Variants in SIRT7 observed in about 807,000 individuals in gnomAD.
The protein encoded by SIRT7 is sirtuin 7.
In SIRT7, 32 loss-of-function variants were observed where a neutral mutation model predicts 42.8. The observed-to-expected ratio is 0.75, with a 90% CI of 0.56 to 1.00. The LOEUF (loss-of-function observed/expected upper bound fraction) is 1.00. SIRT7 is among the 50% of genes least tolerant of loss of function. The pLI is 0.00. For synonymous variants in SIRT7, 297 were observed against 245.2 expected (o/e 1.21, Z -1.97); for missense variants, 553 against 572.2 (o/e 0.97, Z 0.34).
Position 81,914,167 on chromosome 17 carries a change from C to T in SIRT7, c.817G>A (p.Val273Ile). 6.2e-7 allele frequency: 1 copy of T among 1,613,618 alleles called. No homozygotes were observed. The highest frequency in any genetic ancestry group is 8.5e-7 in the Non-Finnish European group (1 of 1,179,998). ...TILCLGSSLKVLKKYPRLWCM... is the reference protein window; with the variant it reads ...TILCLGSSLKILKKYPRLWCM... ...CAGAGGCGTGGGTACTTCTTTAGAACCTGTGGAAGCAGACAGACAGACACC... is the reference window on the plus strand; with the variant it reads ...CAGAGGCGTGGGTACTTCTTTAGAATCTGTGGAAGCAGACAGACAGACACC... Residue 273 changes from valine to isoleucine, a missense_variant and splice_region_variant, in exon 8 of 10, where the codon GTT becomes ATT. Coordinates refer to ENST00000328666, the MANE Select transcript of SIRT7 (RefSeq NM_016538.3).
At chr17:81,914,039 C>G (rs200243408) in intron 8 of SIRT7, 48 bp downstream of exon 8, 1 of 1,604,568 alleles carries the variant, frequency 6.2e-7, no homozygotes, top group South Asian at 1.1e-5. Context: ...TCTGGCTGTG[C>G]GTTCTAAGAC....
rs2040760880 is a variant in SIRT7 at position 81,914,700 on chromosome 17, C to T, written c.483G>A (p.Val161=). 1.2e-6 allele frequency: 2 copies of T among 1,612,374 alleles called. No homozygotes were observed. Among genetic ancestry groups the T allele is most frequent in the East Asian group, 2.2e-5 (1 of 44,888 alleles). The part of the protein sequence containing the change: ...SITRLHEQKL[V]QHVVSQNCDG... The stretch of plus-strand genomic sequence containing the variant: ...CACAGTTCTGAGACACCACATGCTG[C>T]ACCTGGAAGGCAGAACGGGTGGCAA... Residue 161 remains valine (V), a splice_region_variant and synonymous_variant, in exon 6 of 10, where the codon GTG becomes GTA. Transcript: ENST00000328666.
Position 81,918,026 on chromosome 17 carries a change from G to T in SIRT7, c.93+13C>A. On this transcript the variant is annotated intron_variant, in intron 1 of 9. Coordinates refer to ENST00000328666, the MANE Select transcript of SIRT7 (RefSeq NM_016538.3). ...GCCGGGCATGGCCGGGCCGGGGAGC[G>T]GCGGCGGCGTACCTGGCGGAGGCGC... 1 of 1,447,354 alleles carries T rather than the reference G, an allele frequency of 6.9e-7. No homozygotes were observed. The highest frequency in any genetic ancestry group is 9.0e-7 in the Non-Finnish European group (1 of 1,107,038). 89.7% of individuals were successfully genotyped at this position (1,447,354 alleles called of 1,614,324 possible). A position where few individuals can be genotyped will look rare whatever the true frequency, so the allele number is the denominator to read the frequency against.
chr17:81,912,237 G>C lies in SIRT7; in HGVS notation c.*179C>G, dbSNP rs991329660. The C allele has an allele frequency of 4.1e-6, 3 of 730,026 alleles. No individual in the cohort carries two copies. The highest frequency in any genetic ancestry group is 6.8e-6 in the Non-Finnish European group (3 of 439,644). The allele number at this position is 730,026 out of a possible 1,614,324, so 45.2% of individuals were successfully genotyped here. On this transcript the variant is annotated 3_prime_UTR_variant, in exon 10 of 10. Coordinates refer to ENST00000328666, the MANE Select transcript of SIRT7 (RefSeq NM_016538.3). ...GGCAGGTGTCCTCGATGGCCAGGCC[G>C]TATCAGGGTACAACCGCAGCAGTGC...
intron 3 of SIRT7, chr17:81,916,392 T>C (rs1020171120): frequency 1.3e-5 from 2 of 152,008 alleles, no homozygotes; most frequent in Admixed American, 1.3e-4. Flanking sequence ...ACTAGCTGCA[T>C]GTGCTTTTAG....
rs768388067 is a variant in SIRT7, at chr17:81,914,099, G to A, written c.885C>T (p.Ile295=). Residue 295 remains isoleucine, a synonymous_variant, in exon 8 of 10, where the codon ATC becomes ATT. Coordinates refer to ENST00000328666, the MANE Select transcript of SIRT7 (RefSeq NM_016538.3). ...GCACCCGAGTTACCTGCAGGTTCAC[G>A]ATGTAAAGCTTCGGCCGCCGGCTAG... ...KPPSRRPKLY[I]VNLQWTPKDD... is the part of the protein sequence containing the mutation. 3.7e-5 allele frequency: 60 copies of A among 1,613,376 alleles called. 1 individual carries two copies. In the South Asian group the frequency reaches 6.0e-4, roughly 16 times the overall value.
In SIRT7 at chr17:81,917,944, C is replaced by G. The variant is rs1280185946; in HGVS notation, c.117G>C (p.Ala39=). The part of the protein sequence containing the change: ...LRQVSRILRK[A]AAERSAEEGR... ...CCTCCTCGGCGCTGCGCTCCGCCGC[C>G]GCCTTCCTCAGGATGCGCGACACCT... Residue 39 remains alanine, a synonymous_variant, in exon 2 of 10, where the codon GCG becomes GCC. Coordinates refer to ENST00000328666, the MANE Select transcript of SIRT7 (RefSeq NM_016538.3). 7.2e-7 allele frequency: 1 copy of G among 1,382,654 alleles called. No individual in the cohort carries two copies. The highest frequency in any genetic ancestry group is 9.3e-7 in the Non-Finnish European group (1 of 1,070,296). 85.6% of individuals were successfully genotyped at this position (1,382,654 alleles called of 1,614,324 possible).
chr17:81,918,009 T>TGGCCG, intron 1 of SIRT7, 30 bp downstream of exon 1: 1 of 1,396,058 alleles, frequency 7.2e-7, no homozygotes, highest in Non-Finnish European at 9.3e-7. Flanking sequence ...GGGCCGGGCA[T>TGGCCG]GGCCGGGCCG....
intron 5 of SIRT7, 143 bp from the exon 6 acceptor site, chr17:81,914,845 G>A (rs1295562029): frequency 3.0e-5 from 20 of 669,678 alleles, no homozygotes; most frequent in Non-Finnish European, 4.7e-5. Context: ...GAGAGCCTTA[G>A]AAAGTAAAAC....
intron 9 of SIRT7, 108 bp from the exon 10 acceptor site, chr17:81,912,722 C>A: frequency 8.1e-7 from 1 of 1,227,508 alleles, no homozygotes; most frequent in Non-Finnish European, 1.2e-6. Flanking sequence ...ATCCCCTTCC[C>A]TCCCGTGTCA....
chr17:81,914,741 C>G (rs776483372), intron 5 of SIRT7, 39 bp from the exon 6 acceptor site: 1 of 1,554,028 alleles, frequency 6.4e-7, no homozygotes. Context: ...GGGATGGCTG[C>G]CAGTGGTGGT....
intron 3 of SIRT7, chr17:81,915,902 G>C: frequency 1.8e-6 from 1 of 568,758 alleles, no homozygotes; most frequent in Middle Eastern, 4.9e-4. Flanking sequence ...GCCTGGCCTG[G>C]CTCATCCTTC....
chr17:81,915,764 G>A (rs949727720), intron 3 of SIRT7, 83 bp from the exon 4 acceptor site: 1 of 1,460,134 alleles, frequency 6.8e-7, no homozygotes. Flanking sequence ...GAAAGCCACT[G>A]TCACTCCTGC....
chr17:81,913,862 A>G lies in SIRT7; in HGVS notation c.916T>C (p.Trp306Arg), dbSNP rs1333679279. ...VNLQWTPKDD[W>R]AALKLHGKCD... ...TTCCCATGTAGCTTCAGGGCAGCCC[A>G]GTCATCCTTCGGGGTCCACTGAGGA... The change falls in exon 9 of 10, where the codon TGG becomes CGG. Residue 306 changes from tryptophan to arginine, a missense_variant. Coordinates refer to ENST00000328666, the MANE Select transcript of SIRT7 (RefSeq NM_016538.3). This position sits in a 1 kb window ranked among gnomAD's most constrained non-coding sequence, Gnocchi z 5.0. 2 of 1,551,462 alleles carry G rather than the reference A, an allele frequency of 1.3e-6. No individual in the cohort carries two copies. Among genetic ancestry groups the G allele is most frequent in the Non-Finnish European group, 1.7e-6 (2 of 1,147,900 alleles).
At position 81,914,602 on chromosome 17, in the gene SIRT7, A is replaced by C. The variant is rs1280933307; in HGVS notation, c.579+2T>G. The C allele has an allele frequency of 5.0e-6, 8 of 1,613,084 alleles. No homozygotes were observed. The highest frequency in any genetic ancestry group is 6.8e-6 in the Non-Finnish European group (8 of 1,179,912). On this transcript the variant is annotated splice_donor_variant, in intron 6 of 9. Coordinates refer to ENST00000328666, the MANE Select transcript of SIRT7 (RefSeq NM_016538.3). LOFTEE classifies it high-confidence loss of function. ...ACCCTGGGTCCCTGCAGGACTGCTCACTTCAATGTACATGTTCCCGTGGAG... is the reference window on the plus strand; with the variant it reads ...ACCCTGGGTCCCTGCAGGACTGCTCCCTTCAATGTACATGTTCCCGTGGAG...
rs1246537047 is a variant in SIRT7 at position 81,915,342 on chromosome 17, A to T, written c.480+98T>A. ...TTGGTGGGTGCTCATCATGGGAGTC[A>T]ACTGGCAGACAGAGGGCGGGTGCAG... On this transcript the variant is annotated intron_variant, in intron 5 of 9. Transcript: ENST00000328666. 12 of 1,372,558 alleles carry T rather than the reference A, an allele frequency of 8.7e-6. No individual in the cohort carries two copies. The South Asian group carries it at 1.4e-4, about 16-fold the overall frequency. The allele number at this position is 1,372,558 out of a possible 1,614,324, so 85.0% of individuals were successfully genotyped here.
In SIRT7 at chr17:81,913,610, A is replaced by G. The variant is rs1050044263; in HGVS notation, c.1004+164T>C. The G allele has an allele frequency of 9.5e-6, 6 of 632,602 alleles. No individual in the cohort carries two copies. The African/African-American group carries it at 1.1e-4, about 12-fold the overall frequency. 39.2% of individuals were successfully genotyped at this position (632,602 alleles called of 1,614,324 possible). On this transcript the variant is annotated intron_variant, in intron 9 of 9. Coordinates refer to ENST00000328666, the MANE Select transcript of SIRT7 (RefSeq NM_016538.3). The surrounding 1 kb of genome is among the most constrained non-coding windows in gnomAD (Gnocchi z 5.0). ...GAGTGGCACACGCAGGGTCTCCGCCAACCACCGAGGTCAGGCCCTCTGGAG... is the reference window on the plus strand; with the variant it reads ...GAGTGGCACACGCAGGGTCTCCGCCGACCACCGAGGTCAGGCCCTCTGGAG...
Position 81,917,607 on chromosome 17 carries a change from C to G in SIRT7, c.336+8G>C. 6.9e-6 allele frequency: 11 copies of G among 1,594,274 alleles called. No homozygotes were observed. The highest frequency in any genetic ancestry group is 9.4e-6 in the Non-Finnish European group (11 of 1,168,594). ...CGTCCTGGGGTACGCCTCCGCCTCCCTCCCTACCGTGCTGATTCCCGCGCC... is the reference window on the plus strand; with the variant it reads ...CGTCCTGGGGTACGCCTCCGCCTCCGTCCCTACCGTGCTGATTCCCGCGCC... On this transcript the variant is annotated splice_region_variant and intron_variant, in intron 3 of 9. Coordinates refer to ENST00000328666, the MANE Select transcript of SIRT7 (RefSeq NM_016538.3).
Position 81,914,321 on chromosome 17 carries a change from G to C in SIRT7, c.789C>G (p.Thr263=). 6.2e-7 allele frequency: 1 copy of C among 1,613,086 alleles called. No homozygotes were observed. The highest frequency in any genetic ancestry group is 8.5e-7 in the Non-Finnish European group (1 of 1,180,004). Residue 263 remains threonine, a synonymous_variant, in exon 7 of 10, where the codon ACC becomes ACG. Coordinates refer to ENST00000328666, the MANE Select transcript of SIRT7 (RefSeq NM_016538.3). ...AATEAASRAD[T]ILCLGSSLKV... is the part of the protein sequence containing the mutation. The stretch of plus-strand genomic sequence containing the variant: ...TCAGGCTGGACCCTAGACACAGGAT[G>C]GTGTCTGCTCTGCTGGCAGCCTCGG...
Sources: gnomAD v4.1 joint callset for allele counts on GRCh38, gnomAD v4.1.1 for gene constraint, Gnocchi (gnomAD v3.1) non-coding constraint, MANE v1.5 for transcripts, NCBI Gene and HGNC (gene_info 2026-07-23, HGNC 2026-07-21) for gene names.